Variants in TCERG1L observed in about 807,000 individuals in gnomAD.
TCERG1L encodes transcription elongation regulator 1-like protein.
TCERG1L carries 37 observed loss-of-function variants against 56.3 expected under a neutral mutation model. The observed-to-expected ratio is 0.66, with a 90% CI of 0.51 to 0.87. The LOEUF (loss-of-function observed/expected upper bound fraction) is 0.87, where lower values mean the gene tolerates loss of function less well. Ranked by LOEUF, TCERG1L falls within the 40% of genes least tolerant of loss-of-function variation. TCERG1L has a pLI of 0.00. For missense variants in TCERG1L, 799 were observed against 774.2 expected, an observed-to-expected ratio of 1.03 and a Z score of -0.38; for synonymous variants, 324 against 326.3, an observed-to-expected ratio of 0.99 and a Z score of 0.08.
intron 6 of TCERG1L, among the ~76,000 whole-genome samples, chr10:131,147,392 G>A (rs530560078): frequency 1.3e-5 from 2 of 152,332 alleles, no homozygotes; most frequent in Admixed American, 6.5e-5. Flanking sequence ...ATGCGGGTCC[G>A]GGAGCCTGCG....
chr10:131,206,108 A>T (rs561850947), intron 4 of TCERG1L, among the ~76,000 whole-genome samples: 2 of 152,330 alleles, frequency 1.3e-5, no homozygotes. Flanking sequence ...CAGGCGGGAG[A>T]ACTGGCTGGT....
intron 3 of TCERG1L, among the ~76,000 whole-genome samples, chr10:131,306,321 T>C (rs1011725961): frequency 6.6e-6 from 1 of 152,078 alleles, no homozygotes. Flanking sequence ...TCAAAACAAA[T>C]ACATTTGATT....
intron 8 of TCERG1L, among the ~76,000 whole-genome samples, chr10:131,131,870 A>G (rs573428065): frequency 2.4e-4 from 37 of 152,338 alleles, no homozygotes; most frequent in African/African-American, 8.9e-4. Flanking sequence ...CGCAGGTCCA[A>G]ATGAACAGAT....
rs1846299927 is a variant in TCERG1L at position 131,267,589 on chromosome 10, C to T, written c.671-7145G>A. ...CCTTGCACAAGTGAACCCGATGTTC[C>T]TGGGGCTGGTCCCATGAGTCCTGGC... On this transcript the variant is annotated intron_variant, in intron 3 of 11. Coordinates refer to ENST00000368642, the MANE Select transcript of TCERG1L (RefSeq NM_174937.4). The surrounding 1 kb of genome is among the most constrained non-coding windows in gnomAD (Gnocchi z 4.9). Among the ~76,000 whole-genome samples the T allele has an allele frequency of 6.6e-6, 1 of 152,238 alleles. No homozygotes were observed. The highest frequency in any genetic ancestry group is 2.1e-4 in the South Asian group (1 of 4,832).
chr10:131,123,692 T>A (rs535279886), intron 8 of TCERG1L, among the ~76,000 whole-genome samples: 1 of 152,190 alleles, frequency 6.6e-6, no homozygotes, highest in Admixed American at 6.5e-5. Flanking sequence ...CTCGCTTCTC[T>A]GCTTGCCCGG....
chr10:131,202,464 C>A (rs759106589), intron 4 of TCERG1L, among the ~76,000 whole-genome samples: 2 of 152,124 alleles, frequency 1.3e-5, no homozygotes, highest in Non-Finnish European at 2.9e-5. Context: ...TGCCTGTAAT[C>A]CCAGATACAG....
chr10:131,302,292 G>A (rs749363839), intron 3 of TCERG1L, among the ~76,000 whole-genome samples: 6 of 150,828 alleles, frequency 4.0e-5, no homozygotes, highest in Non-Finnish European at 7.4e-5. Context: ...CAGGATATAC[G>A]GCTGGCTTTG....
chr10:131,221,417 A>G (rs1286421895), intron 4 of TCERG1L, among the ~76,000 whole-genome samples: 3 of 152,208 alleles, frequency 2.0e-5, no homozygotes, highest in Admixed American at 6.5e-5. Flanking sequence ...GGTAGTGGAG[A>G]AAGACCCCAC....
chr10:131,270,385 C>A (rs886671417), intron 3 of TCERG1L, among the ~76,000 whole-genome samples: 2 of 152,216 alleles, frequency 1.3e-5, no homozygotes, highest in Non-Finnish European at 2.9e-5. Context: ...CCCAAAGGAC[C>A]ACAGGGAATC....
Position 131,134,381 on chromosome 10 carries a change from G to A in TCERG1L, c.1257C>T (p.Asn419=), listed in dbSNP as rs1845651870. 1.3e-6 allele frequency: 2 copies of A among 1,587,698 alleles called. No individual in the cohort carries two copies. The highest frequency in any genetic ancestry group is 1.2e-5 in the South Asian group (1 of 86,568). Residue 419 remains asparagine (N), a splice_region_variant and synonymous_variant, in exon 8 of 12, where the codon AAC becomes AAT. Transcript: ENST00000368642. ...TGGGGAAGAGCACGGCCACCTACCG[G>A]TTCCTCTTGGTTTTCACATCTTGGT... ...REDQDVKTKR[N]RTEGCGSPKP...
At chr10:131,175,562 A>G (rs539425940) in intron 4 of TCERG1L, among the ~76,000 whole-genome samples, 1 of 152,352 alleles carries the variant, frequency 6.6e-6, no homozygotes, top group African/African-American at 2.4e-5. Flanking sequence ...TCTGACCTCA[A>G]TACACGTGTG....
chr10:131,163,291 A>AT (rs1845996932), intron 5 of TCERG1L, 81 bp from the exon 6 acceptor site: 1 of 1,070,940 alleles, frequency 9.3e-7, no homozygotes, highest in African/African-American at 2.5e-5. Context: ...GGAGGAATAA[A>AT]CAAATCTCCT....
chr10:131,202,608 T>A, intron 4 of TCERG1L, among the ~76,000 whole-genome samples: 1 of 152,156 alleles, frequency 6.6e-6, no homozygotes, highest in South Asian at 2.1e-4. Context: ...AAAAAACAGA[T>A]TTTTTCAAGT....
chr10:131,115,439 T>C (rs905533621), intron 9 of TCERG1L, among the ~76,000 whole-genome samples: 1 of 54,596 alleles, frequency 1.8e-5, no homozygotes, highest in Non-Finnish European at 4.8e-5. Context: ...CTAGTAAAAA[T>C]AGCTTTTAAA....
At chr10:131,294,877 A>T (rs1374473185) in intron 3 of TCERG1L, among the ~76,000 whole-genome samples, 1 of 150,916 alleles carries the variant, frequency 6.6e-6, no homozygotes, top group African/African-American at 2.4e-5. Flanking sequence ...TGCTATTTAC[A>T]TTGTGTACAG....
intron 8 of TCERG1L, among the ~76,000 whole-genome samples, chr10:131,122,859 T>C (rs1197814108): frequency 2.0e-5 from 3 of 152,138 alleles, no homozygotes; most frequent in Non-Finnish European, 2.9e-5. Context: ...CTGCAGTATC[T>C]CTGGGTGGTT....
At position 131,093,090 on chromosome 10, in the gene TCERG1L, T is replaced by TAAAAA; in HGVS notation, c.*71_*72insTTTTT. 2 of 1,536,156 alleles carry TAAAAA rather than the reference T, an allele frequency of 1.3e-6. No homozygotes were observed. Among genetic ancestry groups the TAAAAA allele is most frequent in the Admixed American group, 1.9e-5 (1 of 52,386 alleles). On this transcript the variant is annotated 3_prime_UTR_variant, in exon 12 of 12. Transcript: ENST00000368642. ...CTCGGCCGCCCCACGCCCGTGTCCGTCTCCACCGTGACCCCCTCGCCCCCG... is the reference window on the plus strand; with the variant it reads ...CTCGGCCGCCCCACGCCCGTGTCCGTAAAAACTCCACCGTGACCCCCTCGCCCCCG...
At chr10:131,127,824 CT>C (rs1845578732) in intron 8 of TCERG1L, among the ~76,000 whole-genome samples, 1 of 152,106 alleles carries the variant, frequency 6.6e-6, no homozygotes, top group Admixed American at 6.5e-5. Context: ...GGCCACTGCT[CT>C]TGTCACCGTC....
chr10:131,309,089 T>A, intron 2 of TCERG1L, 64 bp downstream of exon 2: 1 of 1,554,818 alleles, frequency 6.4e-7, no homozygotes, highest in Non-Finnish European at 8.7e-7. Context: ...TTTGTTGTTA[T>A]GTCGATGTTC....
Sources: allele counts gnomAD v4.1 joint callset (sites outside exome capture counted in the v4.1 genomes callset), GRCh38; gene constraint gnomAD v4.1.1; non-coding constraint Gnocchi (gnomAD v3.1); transcripts MANE v1.5; gene names NCBI Gene and HGNC (gene_info 2026-07-23, HGNC 2026-07-21).